HAGH: variants seen among roughly 807,000 people sequenced by gnomAD.
HAGH encodes the protein hydroxyacylglutathione hydrolase, mitochondrial.
Under a neutral mutation model 35.1 loss-of-function variants are expected in HAGH, and 29 were observed. The observed-to-expected ratio is 0.83, with a 90% CI of 0.62 to 1.13. The LOEUF is 1.13. Ranked by LOEUF, HAGH falls within the 50% of genes most tolerant of loss-of-function variation. The pLI is 0.00. For synonymous variants in HAGH, 225 were observed against 176.1 expected, an observed-to-expected ratio of 1.28 and a Z score of -2.20; for missense variants, 478 against 419.6, an observed-to-expected ratio of 1.14 and a Z score of -1.22.
chr16:1,819,245 C>T lies in HAGH; in HGVS notation c.433-22G>A, dbSNP rs754329078. 3.8e-5 allele frequency: 56 copies of T among 1,491,858 alleles called. 1 individual carries two copies. Among genetic ancestry groups the T allele is most frequent in the Middle Eastern group, 1.7e-4 (1 of 5,806 alleles). The allele number at this position is 1,491,858 out of a possible 1,614,324, so 92.4% of individuals were successfully genotyped here. On this transcript the variant is annotated intron_variant, in intron 4 of 8. Coordinates refer to ENST00000397356, the MANE Select transcript of HAGH (RefSeq NM_005326.6). ...CCACCTTCAACAAAGCAGGCGACCG[C>T]GTGTGCTCCCAGACACCCTGGAGAG...
At chr16:1,820,085 C>T (rs1234054834) in intron 3 of HAGH, 71 bp from the exon 4 acceptor site, 9 of 801,274 alleles carry the variant, frequency 1.1e-5, no homozygotes, top group African/African-American at 1.7e-5. Context: ...GAGGGGGCTG[C>T]CTGCTGAGCT....
At chr16:1,826,251 C>T (rs374741408) in intron 1 of HAGH, among the ~76,000 whole-genome samples, 22 of 151,720 alleles carry the variant, frequency 1.5e-4, no homozygotes, top group South Asian at 4.1e-4. Flanking sequence ...GCCGGGTCCC[C>T]AGACGGGGGC....
intron 1 of HAGH, chr16:1,826,441 T>A (rs1415707360): frequency 1.9e-6 from 1 of 523,504 alleles, no homozygotes; most frequent in Admixed American, 6.5e-5. Flanking sequence ...CCTGGAGGCG[T>A]CAGGGGCGCG....
chr16:1,813,225 T>G (rs1897743499), intron 7 of HAGH, among the ~76,000 whole-genome samples: 1 of 152,202 alleles, frequency 6.6e-6, no homozygotes, highest in Non-Finnish European at 1.5e-5. Context: ...AAGAAACTTT[T>G]GCCTCCCCCA....
upstream of HAGH, chr16:1,827,003 G>A: frequency 1.5e-6 from 1 of 668,512 alleles, no homozygotes; most frequent in Non-Finnish European, 2.3e-6. Flanking sequence ...CGGCGGCGGC[G>A]GCCCGAGAGC....
chr16:1,819,188 C>T lies in HAGH; in HGVS notation c.468G>A (p.Pro156=), dbSNP rs116158127. Residue 156 remains proline, a synonymous_variant, in exon 5 of 9, where the codon CCG becomes CCA. Coordinates refer to ENST00000397356, the MANE Select transcript of HAGH (RefSeq NM_005326.6). Reference sequence around the variant, plus strand: ...AACAAATGTGTCCTGAAGTGTGGCACGGGGTCGCCAGGCACTTGACGTTCA... The same window carrying T: ...AACAAATGTGTCCTGAAGTGTGGCATGGGGTCGCCAGGCACTTGACGTTCA... ...GSLNVKCLAT[P]CHTSGHICYF... 28 of 1,612,744 alleles carry T rather than the reference C, an allele frequency of 1.7e-5. No homozygotes were observed. Among genetic ancestry groups the T allele is most frequent in the Admixed American group, 5.0e-5 (3 of 59,948 alleles).
chr16:1,823,882 C>G (rs574173000), intron 1 of HAGH, among the ~76,000 whole-genome samples: 7 of 150,940 alleles, frequency 4.6e-5, no homozygotes, highest in Non-Finnish European at 1.0e-4. Flanking sequence ...TTTGAGAACT[C>G]TAAAAGGACA....
intron 1 of HAGH, 188 bp downstream of exon 1, chr16:1,826,524 C>T: frequency 1.0e-6 from 1 of 980,550 alleles, no homozygotes; most frequent in Non-Finnish European, 1.2e-6. Context: ...TTTCCGCACC[C>T]GCGGCCCCGC....
intron 1 of HAGH, among the ~76,000 whole-genome samples, chr16:1,824,173 G>A (rs955668378): frequency 6.6e-6 from 1 of 150,706 alleles, no homozygotes; most frequent in African/African-American, 2.5e-5. Context: ...AGTGAGCCAA[G>A]ATCGCCCTAC....
chr16:1,822,435 G>A, intron 2 of HAGH, 71 bp from the exon 3 acceptor site: 11 of 1,185,262 alleles, frequency 9.3e-6, no homozygotes, highest in African/African-American at 1.5e-5. Context: ...TATATGGTAG[G>A]GTGCCCAGCA....
At chr16:1,818,255 G>A (rs952319455) in intron 5 of HAGH, among the ~76,000 whole-genome samples, 1 of 152,032 alleles carries the variant, frequency 6.6e-6, no homozygotes, top group Admixed American at 6.5e-5. Flanking sequence ...TAAATCTGAG[G>A]TCCCCAACTC....
chr16:1,810,570 G>A (rs1333311041), intron 7 of HAGH: 3 of 152,616 alleles, frequency 2.0e-5, no homozygotes, highest in Non-Finnish European at 4.4e-5. Context: ...CAGGGCAGAT[G>A]GGGTGGGGGC....
At chr16:1,817,673 G>T (rs565584178) in intron 5 of HAGH, among the ~76,000 whole-genome samples, 3 of 152,344 alleles carry the variant, frequency 2.0e-5, no homozygotes, top group African/African-American at 7.2e-5. Context: ...TCACCACCCT[G>T]GCTGAGCTGA....
At chr16:1,823,163 G>C (rs567088825) in intron 1 of HAGH, 126 bp from the exon 2 acceptor site, 2 of 777,080 alleles carry the variant, frequency 2.6e-6, no homozygotes, top group East Asian at 5.2e-5. Context: ...CAGGTATGGT[G>C]GTTCTTGCCG....
intron 5 of HAGH, 158 bp downstream of exon 5, chr16:1,818,957 T>C (rs1898024457): frequency 3.3e-6 from 2 of 601,202 alleles, no homozygotes; most frequent in East Asian, 5.7e-5. Flanking sequence ...ATGGGAGGAA[T>C]CGGCCAGCCC....
At chr16:1,818,857 C>G in intron 5 of HAGH, 2 of 489,104 alleles carry the variant, frequency 4.1e-6, no homozygotes, top group Non-Finnish European at 7.4e-6. Flanking sequence ...TCCCGTGGGA[C>G]CCGCCCGGAC....
At chr16:1,820,227 G>A (rs1240561359) in intron 3 of HAGH, among the ~76,000 whole-genome samples, 1 of 150,770 alleles carries the variant, frequency 6.6e-6, no homozygotes, top group Non-Finnish European at 1.5e-5. Flanking sequence ...GGGGGCCTGG[G>A]GTTACCACCT....
chr16:1,824,034 G>A (rs1898280683), intron 1 of HAGH, among the ~76,000 whole-genome samples: 1 of 152,134 alleles, frequency 6.6e-6, no homozygotes, highest in African/African-American at 2.4e-5. Flanking sequence ...AAGCTGTGCT[G>A]CCACCACTGA....
upstream of HAGH, chr16:1,827,177 A>G: frequency 6.5e-7 from 1 of 1,549,620 alleles, no homozygotes; most frequent in Middle Eastern, 1.8e-4. Flanking sequence ...CCTCTCCGGG[A>G]TGCCGTAGGC....
Sources: allele counts gnomAD v4.1 joint callset (sites outside exome capture counted in the v4.1 genomes callset), GRCh38; gene constraint gnomAD v4.1.1; transcripts MANE v1.5; gene names NCBI Gene and HGNC (gene_info 2026-07-23, HGNC 2026-07-21).